Variants in NDUFB5 observed in about 807,000 individuals in gnomAD.
NDUFB5 encodes NADH dehydrogenase [ubiquinone] 1 beta subcomplex subunit 5, mitochondrial.
Under a neutral mutation model 19.4 loss-of-function variants are expected in NDUFB5, and 19 were observed. The observed-to-expected ratio is 0.98, with a 90% CI of 0.68 to 1.43. The LOEUF (loss-of-function observed/expected upper bound fraction) is 1.43, where lower values mean the gene tolerates loss of function less well. Ranked by LOEUF, NDUFB5 falls within the 40% of genes most tolerant of loss-of-function variation. The pLI is 0.00. For synonymous variants in NDUFB5, 80 were observed against 82.6 expected (o/e 0.97, Z 0.17); for missense variants, 233 against 236.5 (o/e 0.99, Z 0.10).
At chr3:179,617,187 G>C in intron 4 of NDUFB5, 143 bp downstream of exon 4, 1 of 550,888 alleles carries the variant, frequency 1.8e-6, no homozygotes, top group Non-Finnish European at 3.1e-6. Flanking sequence ...GCCCAGGCTG[G>C]AGTGCAGTGG....
chr3:179,624,009 A>C lies in NDUFB5; in HGVS notation c.539A>C (p.Asp180Ala), dbSNP rs1367382352. ...YYETIDKELI[D>A]HSPKATPDN The stretch of plus-strand genomic sequence containing the variant: ...GAGACAATTGACAAGGAACTTATTG[A>C]TCATTCTCCGAAAGCAACTCCTGAC... Residue 180 changes from aspartate (D) to alanine (A), a missense_variant, in exon 6 of 6, where the codon GAT becomes GCT. Transcript: ENST00000259037. 6 of 1,613,834 alleles carry C rather than the reference A, an allele frequency of 3.7e-6. No homozygotes were observed. The highest frequency in any genetic ancestry group is 5.1e-6 in the Non-Finnish European group (6 of 1,179,898).
At chr3:179,620,642 C>T (rs1560027010) in intron 5 of NDUFB5, among the ~76,000 whole-genome samples, 1 of 152,268 alleles carries the variant, frequency 6.6e-6, no homozygotes, top group East Asian at 1.9e-4. Context: ...ATGCCTCCAG[C>T]TTTGTTCTTT....
intron 1 of NDUFB5, among the ~76,000 whole-genome samples, chr3:179,611,995 T>C (rs76683781): frequency 1.3e-5 from 2 of 151,166 alleles, no homozygotes; most frequent in African/African-American, 4.9e-5. Context: ...AATTTTTTTT[T>C]GAGGGGGAAG....
chr3:179,615,876 G>T, intron 2 of NDUFB5, 107 bp from the exon 3 acceptor site: 1 of 892,072 alleles, frequency 1.1e-6, no homozygotes, highest in Admixed American at 2.4e-5. Context: ...TGCCCAATTT[G>T]GCAAGTTTAT....
Position 179,619,869 on chromosome 3 carries a change from T to A in NDUFB5, c.449+1348T>A, listed in dbSNP as rs539315924. 3.3e-5 allele frequency among the ~76,000 whole-genome samples: 5 copies of A among 152,314 alleles called. No homozygotes were observed. In the South Asian group the frequency reaches 1.0e-3, roughly 32 times the overall value. On this transcript the variant is annotated intron_variant, in intron 5 of 5. Transcript: ENST00000259037. ...ATCCTCTCCAGCACCTGTTGTTTCC[T>A]GACTTTTTAATGATCACCATTCTAA...
chr3:179,609,178 A>G (rs1475001989), intron 1 of NDUFB5, among the ~76,000 whole-genome samples: 1 of 152,202 alleles, frequency 6.6e-6, no homozygotes, highest in Admixed American at 6.5e-5. Flanking sequence ...ACATGGATAT[A>G]CAAATACCTC....
At chr3:179,612,955 G>GT (rs1719286886) in intron 1 of NDUFB5, among the ~76,000 whole-genome samples, 1 of 152,202 alleles carries the variant, frequency 6.6e-6, no homozygotes, top group Non-Finnish European at 1.5e-5. Flanking sequence ...TGCTTCTAGT[G>GT]TATCAGATTA....
rs554936745 is a variant in NDUFB5 at position 179,625,464 on chromosome 3, A to G, written c.*1424A>G. The G allele has an allele frequency of 8.5e-5, 13 of 152,324 alleles. No individual in the cohort carries two copies. The highest frequency in any genetic ancestry group is 2.9e-4 in the African/African-American group (12 of 41,590). 9.4% of individuals were successfully genotyped at this position (152,324 alleles called of 1,614,324 possible). Reference sequence around the variant, plus strand: ...ATTGATAATGTACTTGTAATGTGCTATTTTGATACATGTATGCAAAGTATA... The same window carrying G: ...ATTGATAATGTACTTGTAATGTGCTGTTTTGATACATGTATGCAAAGTATA... On this transcript the variant is annotated 3_prime_UTR_variant, in exon 6 of 6. Transcript: ENST00000259037.
intron 1 of NDUFB5, among the ~76,000 whole-genome samples, chr3:179,608,301 C>G (rs4855098): frequency 0.09 from 13,742 of 151,980 alleles, 671 homozygotes; most frequent in South Asian, 0.17. Flanking sequence ...AGGCGATTCT[C>G]CTGCCTCAGC....
intron 5 of NDUFB5, among the ~76,000 whole-genome samples, chr3:179,620,857 T>C (rs1460578782): frequency 6.6e-6 from 1 of 152,200 alleles, no homozygotes. Flanking sequence ...TTTTAAACTT[T>C]GGGTAGATAT....
At chr3:179,608,327 G>T (rs1037657446) in intron 1 of NDUFB5, among the ~76,000 whole-genome samples, 1 of 152,076 alleles carries the variant, frequency 6.6e-6, no homozygotes, top group Non-Finnish European at 1.5e-5. Context: ...GAGTAGCTGG[G>T]ATTACAGGTG....
At chr3:179,616,093 A>T (rs1316617680) in intron 3 of NDUFB5, 44 bp downstream of exon 3, 1 of 1,407,430 alleles carries the variant, frequency 7.1e-7, no homozygotes, top group South Asian at 1.2e-5. Context: ...GATTGGAAAA[A>T]TTTTTAAACA....
intron 5 of NDUFB5, 129 bp downstream of exon 5, chr3:179,618,650 C>T: frequency 1.5e-6 from 1 of 645,164 alleles, no homozygotes; most frequent in Non-Finnish European, 2.7e-6. Flanking sequence ...AAGATACGTC[C>T]AGATGCAGTG....
At chr3:179,616,394 T>A (rs1402548272) in intron 3 of NDUFB5, among the ~76,000 whole-genome samples, 1 of 151,900 alleles carries the variant, frequency 6.6e-6, no homozygotes, top group Non-Finnish European at 1.5e-5. Context: ...TACAAAAAAC[T>A]AGCTGGGCGT....
intron 1 of NDUFB5, 136 bp downstream of exon 1, chr3:179,605,075 G>A (rs1719045299): frequency 1.6e-6 from 2 of 1,281,180 alleles, no homozygotes; most frequent in South Asian, 3.6e-5. Flanking sequence ...AGGAGAGACG[G>A]AGCACGAGCT....
At chr3:179,605,966 A>G (rs1011416017) in intron 1 of NDUFB5, among the ~76,000 whole-genome samples, 1 of 152,036 alleles carries the variant, frequency 6.6e-6, no homozygotes, top group Admixed American at 6.6e-5. Context: ...TAATTTTTGT[A>G]TATTTAGTAG....
At chr3:179,610,364 A>T (rs1336056160) in intron 1 of NDUFB5, among the ~76,000 whole-genome samples, 1 of 152,166 alleles carries the variant, frequency 6.6e-6, no homozygotes, top group African/African-American at 2.4e-5. Flanking sequence ...AAGTGCTGGG[A>T]TTACAGGAAT....
At chr3:179,607,753 C>T (rs1159502868) in intron 1 of NDUFB5, 19 of 702,570 alleles carry the variant, frequency 2.7e-5, no homozygotes, top group Admixed American at 2.0e-4. Context: ...TCCCCTTCCA[C>T]GTAGCCCCTG....
intron 1 of NDUFB5, among the ~76,000 whole-genome samples, chr3:179,607,025 C>G (rs1209236129): frequency 1.3e-5 from 2 of 152,184 alleles, no homozygotes; most frequent in Non-Finnish European, 2.9e-5. Context: ...TTCAAATACT[C>G]GCTCTGGTAG....
Sources: allele counts gnomAD v4.1 joint callset (sites outside exome capture counted in the v4.1 genomes callset), GRCh38; gene constraint gnomAD v4.1.1; transcripts MANE v1.5; gene names NCBI Gene and HGNC (gene_info 2026-07-23, HGNC 2026-07-21).